ANO6: variants seen among roughly 807,000 people sequenced by gnomAD.
The protein encoded by ANO6 is anoctamin 6.
ANO6 carries 106 observed loss-of-function variants against 117.5 expected under a neutral mutation model. The observed-to-expected ratio is 0.90, with a 90% CI of 0.77 to 1.06. ANO6 has a LOEUF of 1.06. Among genes scored for constraint, ANO6 ranks in the 50% least tolerant of loss-of-function variants. ANO6 has a pLI of 0.00. For missense variants in ANO6, 955 were observed against 1,121.1 expected (o/e 0.85, Z 2.12); for synonymous variants, 367 against 385.1 (o/e 0.95, Z 0.55).
intron 8 of ANO6, among the ~76,000 whole-genome samples, chr12:45,360,832 T>C (rs1351191322): frequency 6.6e-6 from 1 of 152,272 alleles, no homozygotes; most frequent in African/African-American, 2.4e-5. Flanking sequence ...AGCACCGTTT[T>C]TGAAAAGACT....
intron 9 of ANO6, among the ~76,000 whole-genome samples, chr12:45,368,555 T>A (rs986641030): frequency 6.6e-5 from 10 of 152,180 alleles, no homozygotes; most frequent in African/African-American, 2.2e-4. Context: ...TTATGACTTC[T>A]TAAAATTTGG....
chr12:45,368,847 T>C lies in ANO6; in HGVS notation c.1104+1054T>C, dbSNP rs989146365. 3.3e-5 allele frequency among the ~76,000 whole-genome samples: 5 copies of C among 152,302 alleles called. 1 individual carries two copies. The highest frequency in any genetic ancestry group is 1.5e-5 in the Non-Finnish European group (1 of 68,020). ...TATATCATACTTTGCATAGTTCTTATACTTACCACTTTTGACATATACAAC... is the reference window on the plus strand; with the variant it reads ...TATATCATACTTTGCATAGTTCTTACACTTACCACTTTTGACATATACAAC... On this transcript the variant is annotated intron_variant, in intron 9 of 19. Coordinates refer to ENST00000320560, the MANE Select transcript of ANO6 (RefSeq NM_001025356.3).
chr12:45,394,106 A>G (rs1281703812), intron 12 of ANO6, among the ~76,000 whole-genome samples: 1 of 152,224 alleles, frequency 6.6e-6, no homozygotes, highest in African/African-American at 2.4e-5. Context: ...GACCCATCTC[A>G]TGTGCAAAGA....
intron 2 of ANO6, among the ~76,000 whole-genome samples, chr12:45,320,985 A>T (rs1565687992): frequency 6.6e-6 from 1 of 151,936 alleles, no homozygotes; most frequent in South Asian, 2.1e-4. Context: ...ATCTTCCTCC[A>T]TCCCTTTATT....
intron 12 of ANO6, 112 bp downstream of exon 12, chr12:45,390,610 C>G: frequency 1.0e-6 from 1 of 957,026 alleles, no homozygotes. Flanking sequence ...AGCCTGGAAA[C>G]TATATGGTCT....
chr12:45,370,302 C>T (rs1941790254), intron 9 of ANO6, among the ~76,000 whole-genome samples: 2 of 152,248 alleles, frequency 1.3e-5, no homozygotes, highest in African/African-American at 4.8e-5. Flanking sequence ...ATACGAACTT[C>T]ATCCAGGCCT....
At chr12:45,242,511 C>T (rs1947761617) in intron 1 of ANO6, among the ~76,000 whole-genome samples, 1 of 152,232 alleles carries the variant, frequency 6.6e-6, no homozygotes, top group Non-Finnish European at 1.5e-5. Context: ...GGGAAATCCC[C>T]CGACCCCTTG....
intron 7 of ANO6, among the ~76,000 whole-genome samples, chr12:45,353,148 G>A (rs758142280): frequency 1.3e-5 from 2 of 152,142 alleles, no homozygotes; most frequent in Non-Finnish European, 2.9e-5. Flanking sequence ...ATAATGTTCA[G>A]TTGTCTCTTT....
intron 2 of ANO6, among the ~76,000 whole-genome samples, chr12:45,321,864 A>G (rs1453870581): frequency 1.3e-5 from 2 of 152,186 alleles, no homozygotes; most frequent in East Asian, 3.9e-4. Flanking sequence ...CCCACAGAAT[A>G]TTAAAAAGAT....
At chr12:45,372,714 C>T (rs1005479478) in intron 9 of ANO6, among the ~76,000 whole-genome samples, 2 of 152,018 alleles carry the variant, frequency 1.3e-5, no homozygotes, top group Non-Finnish European at 2.9e-5. Flanking sequence ...GAAGGAAGCA[C>T]TAAACATGGA....
intron 1 of ANO6, among the ~76,000 whole-genome samples, chr12:45,224,524 T>G (rs1320469808): frequency 6.6e-6 from 1 of 152,194 alleles, no homozygotes; most frequent in East Asian, 1.9e-4. Context: ...TAGTCTTGCT[T>G]CTTTTTATAA....
At chr12:45,315,410 A>C (rs1262788002) in intron 2 of ANO6, among the ~76,000 whole-genome samples, 1 of 152,024 alleles carries the variant, frequency 6.6e-6, no homozygotes, top group East Asian at 1.9e-4. Context: ...GGGCAGAAGC[A>C]GGGAATATGG....
chr12:45,428,692 T>C (rs1342602646), intron 19 of ANO6, among the ~76,000 whole-genome samples: 2 of 152,174 alleles, frequency 1.3e-5, no homozygotes, highest in Non-Finnish European at 2.9e-5. Flanking sequence ...TTTTAAAAAA[T>C]AAGTGAGAAT....
intron 2 of ANO6, among the ~76,000 whole-genome samples, chr12:45,314,521 A>T (rs1022953527): frequency 6.6e-6 from 1 of 151,058 alleles, no homozygotes; most frequent in Non-Finnish European, 1.5e-5. Flanking sequence ...ATATGTGTAT[A>T]TATCTACCAA....
intron 1 of ANO6, among the ~76,000 whole-genome samples, chr12:45,278,766 C>T (rs1449214483): frequency 1.3e-5 from 2 of 152,084 alleles, no homozygotes; most frequent in Non-Finnish European, 2.9e-5. Flanking sequence ...AGTCTTGTCC[C>T]TTCTAATTTT....
chr12:45,221,386 A>G (rs1317001882), intron 1 of ANO6, among the ~76,000 whole-genome samples: 1 of 152,206 alleles, frequency 6.6e-6, no homozygotes, highest in African/African-American at 2.4e-5. Context: ...CAGATGCTGA[A>G]AGACTAGGAA....
At chr12:45,259,163 A>C (rs1292463017) in intron 1 of ANO6, among the ~76,000 whole-genome samples, 1 of 152,188 alleles carries the variant, frequency 6.6e-6, no homozygotes, top group Non-Finnish European at 1.5e-5. Context: ...ATGTTGGAGG[A>C]CAGTCCAGCA....
chr12:45,431,952 T>TATCA lies in ANO6; in HGVS notation c.*2642_*2645dup, dbSNP rs1209397493. Reference sequence around the variant, plus strand: ...ACATCCCTCAGATAATTTAGCTATATATCATTAGAAAGGGAAAGCTATCAT... The same window carrying TATCA: ...ACATCCCTCAGATAATTTAGCTATATATCAATCATTAGAAAGGGAAAGCTATCAT... On this transcript the variant is annotated 3_prime_UTR_variant, in exon 20 of 20. Transcript: ENST00000320560. 3 of 985,292 alleles carry TATCA rather than the reference T, an allele frequency of 3.0e-6. No homozygotes were observed. Among genetic ancestry groups the TATCA allele is most frequent in the Non-Finnish European group, 3.6e-6 (3 of 829,778 alleles). 61.0% of individuals were successfully genotyped at this position (985,292 alleles called of 1,614,324 possible).
At chr12:45,395,948 C>G (rs1437492339) in intron 12 of ANO6, among the ~76,000 whole-genome samples, 2 of 152,182 alleles carry the variant, frequency 1.3e-5, no homozygotes, top group African/African-American at 4.8e-5. Flanking sequence ...AGGATGCCCT[C>G]TCTCTCCACT....
Sources: gnomAD v4.1 joint callset for allele counts (sites outside exome capture counted in the v4.1 genomes callset) on GRCh38, gnomAD v4.1.1 for gene constraint, MANE v1.5 for transcripts, NCBI Gene and HGNC (gene_info 2026-07-23, HGNC 2026-07-21) for gene names.